CORIN: variants seen among roughly 807,000 people sequenced by gnomAD.
The protein encoded by CORIN is atrial natriuretic peptide-converting enzyme.
CORIN carries 117 observed loss-of-function variants against 125.3 expected under a neutral mutation model. The observed-to-expected ratio is 0.93, with a 90% confidence interval of 0.80 to 1.09. The LOEUF (loss-of-function observed/expected upper bound fraction) is 1.09, where lower values mean the gene tolerates loss of function less well. Among genes scored for constraint, CORIN ranks in the 50% least tolerant of loss-of-function variants. The pLI is 0.00. For synonymous variants in CORIN, 450 were observed against 466.4 expected (o/e 0.96, Z 0.45); for missense variants, 1,253 against 1,306.7 (o/e 0.96, Z 0.63).
chr4:47,670,773 C>G (rs1303714715), intron 10 of CORIN, among the ~76,000 whole-genome samples: 2 of 152,156 alleles, frequency 1.3e-5, no homozygotes, highest in African/African-American at 4.8e-5. Context: ...GGATTAGTCC[C>G]TCCACACCGG....
In CORIN at chr4:47,830,085, C is replaced by T. The variant is rs140114102; in HGVS notation, c.63+7802G>A. On this transcript the variant is annotated intron_variant, in intron 1 of 21. Coordinates refer to ENST00000273857, the MANE Select transcript of CORIN (RefSeq NM_006587.4). ...TCCAAACCACACTACAGAGAAGTAGCATCTTGCTCCCAGAATAAGGCTCTA... is the reference window on the plus strand; with the variant it reads ...TCCAAACCACACTACAGAGAAGTAGTATCTTGCTCCCAGAATAAGGCTCTA... 7.1e-3 allele frequency among the ~76,000 whole-genome samples: 1,079 copies of T among 152,278 alleles called. 12 individuals are homozygous for T. The highest frequency in any genetic ancestry group is 0.024 in the African/African-American group (984 of 41,558).
At chr4:47,670,581 G>A (rs748127892) in intron 10 of CORIN, among the ~76,000 whole-genome samples, 20 of 152,204 alleles carry the variant, frequency 1.3e-4, no homozygotes, top group South Asian at 4.1e-4. Context: ...ACGAGTAAGC[G>A]TAAAACTAAA....
chr4:47,614,504 C>T (rs1043835054), intron 19 of CORIN, among the ~76,000 whole-genome samples: 3 of 152,226 alleles, frequency 2.0e-5, no homozygotes, highest in Middle Eastern at 6.8e-3. Flanking sequence ...TGGCCCTTTA[C>T]CTCCAATTTC....
At chr4:47,599,692 A>C (rs984217367) in intron 21 of CORIN, among the ~76,000 whole-genome samples, 8 of 152,316 alleles carry the variant, frequency 5.3e-5, no homozygotes, top group Non-Finnish European at 7.4e-5. Flanking sequence ...ATTTGAGGAC[A>C]TGCTGGCAAT....
intron 3 of CORIN, among the ~76,000 whole-genome samples, chr4:47,775,214 ATCTT>A (rs1241563040): frequency 1.3e-5 from 2 of 150,120 alleles, no homozygotes; most frequent in Non-Finnish European, 2.9e-5. Flanking sequence ...CTCATTTATT[ATCTT>A]TCTTTTTTTT....
At chr4:47,733,353 A>G (rs895996294) in intron 5 of CORIN, among the ~76,000 whole-genome samples, 8 of 152,228 alleles carry the variant, frequency 5.3e-5, no homozygotes, top group African/African-American at 1.9e-4. Flanking sequence ...AAGTACCTCA[A>G]AGAAATAGTA....
At chr4:47,721,598 C>T (rs1051711600) in intron 5 of CORIN, among the ~76,000 whole-genome samples, 17 of 152,164 alleles carry the variant, frequency 1.1e-4, no homozygotes, top group Non-Finnish European at 2.5e-4. Flanking sequence ...AATTATCTCC[C>T]AAAGTCTCCA....
At chr4:47,748,825 G>T (rs1728774852) in intron 4 of CORIN, among the ~76,000 whole-genome samples, 1 of 151,910 alleles carries the variant, frequency 6.6e-6, no homozygotes. Flanking sequence ...TTTTGATTTT[G>T]AACTACTGTT....
Position 47,832,445 on chromosome 4 carries a change from C to CTT in CORIN, c.63+5440_63+5441dup, listed in dbSNP as rs1211972356. Among the ~76,000 whole-genome samples, 93 of 76,910 alleles carry CTT rather than the reference C, an allele frequency of 1.2e-3. 1 individual carries two copies. Among genetic ancestry groups the CTT allele is most frequent in the African/African-American group, 2.8e-3 (64 of 22,600 alleles). The allele number at this position is 76,910 out of a possible 152,430, so 50.5% of individuals were successfully genotyped here. ...TTTCTTTCTTTCTTTCTTTTCTTTT[C>CTT]TTTTTTTTTTTTTTTTTGAGATGGA... On this transcript the variant is annotated intron_variant, in intron 1 of 21. Transcript: ENST00000273857.
chr4:47,712,246 T>G (rs1300621794), intron 5 of CORIN, among the ~76,000 whole-genome samples: 2 of 152,194 alleles, frequency 1.3e-5, no homozygotes, highest in Non-Finnish European at 2.9e-5. Flanking sequence ...ATTATCATGA[T>G]ATATATGATA....
At chr4:47,607,816 G>A (rs548150281) in intron 19 of CORIN, among the ~76,000 whole-genome samples, 14 of 152,042 alleles carry the variant, frequency 9.2e-5, no homozygotes, top group South Asian at 4.2e-4. Context: ...ATGTGGTGGC[G>A]TGCACCTATA....
chr4:47,721,527 C>T (rs1727351152), intron 5 of CORIN, among the ~76,000 whole-genome samples: 1 of 152,202 alleles, frequency 6.6e-6, no homozygotes, highest in African/African-American at 2.4e-5. Flanking sequence ...CCTTGGCCTC[C>T]CAAAATGCTG....
chr4:47,805,412 C>T (rs1731751616), intron 2 of CORIN, among the ~76,000 whole-genome samples: 1 of 152,042 alleles, frequency 6.6e-6, no homozygotes, highest in Admixed American at 6.6e-5. Flanking sequence ...ACTCCTCTCT[C>T]CCTCACACCA....
At chr4:47,750,584 G>C (rs545431096) in intron 4 of CORIN, among the ~76,000 whole-genome samples, 1 of 152,206 alleles carries the variant, frequency 6.6e-6, no homozygotes, top group Non-Finnish European at 1.5e-5. Context: ...CTAGGTTTAA[G>C]AGACAAGGGG....
intron 2 of CORIN, among the ~76,000 whole-genome samples, chr4:47,805,135 C>CAAAAA (rs755747242): frequency 1.9e-4 from 24 of 129,350 alleles, no homozygotes; most frequent in East Asian, 4.5e-4. Context: ...GACTCCATCT[C>CAAAAA]AAAAAAAAAA....
At chr4:47,613,725 G>T (rs1481783752) in intron 19 of CORIN, among the ~76,000 whole-genome samples, 1 of 147,540 alleles carries the variant, frequency 6.8e-6, no homozygotes, top group South Asian at 2.2e-4. Flanking sequence ...ACCAAACACC[G>T]CATGTTCTCA....
At chr4:47,744,269 G>A in intron 5 of CORIN, 133 bp downstream of exon 5, 1 of 789,492 alleles carries the variant, frequency 1.3e-6, no homozygotes, top group Admixed American at 2.9e-5. Context: ...CCTTGATCTG[G>A]GTTCTGGTTA....
At chr4:47,648,307 C>T (rs1189934515) in intron 13 of CORIN, among the ~76,000 whole-genome samples, 5 of 152,116 alleles carry the variant, frequency 3.3e-5, no homozygotes, top group South Asian at 2.1e-4. Flanking sequence ...GAGACAATAG[C>T]AACAACCAAT....
chr4:47,685,299 G>A (rs950972214), intron 6 of CORIN, among the ~76,000 whole-genome samples: 22 of 152,134 alleles, frequency 1.4e-4, no homozygotes, highest in African/African-American at 3.4e-4. Context: ...CAAACAAAAC[G>A]TAATACTCAT....
Sources: gnomAD v4.1 joint callset for allele counts (sites outside exome capture counted in the v4.1 genomes callset) on GRCh38, gnomAD v4.1.1 for gene constraint, MANE v1.5 for transcripts, NCBI Gene and HGNC (gene_info 2026-07-23, HGNC 2026-07-21) for gene names.